Variants in LRRC9 observed in about 807,000 individuals in gnomAD.
The protein encoded by LRRC9 is leucine rich repeat containing 9, also known as leucine-rich repeat-containing protein 9.
LRRC9 carries 122 observed loss-of-function variants against 63.2 expected under a neutral mutation model. That is an observed-to-expected ratio of 1.93 (90% CI 1.67 to 2.24). LRRC9 has a LOEUF of 2.24. Among genes scored for constraint, LRRC9 ranks in the 30% most tolerant of loss-of-function variants. The probability of loss-of-function intolerance (pLI) is 0.00; values close to 1 mark genes in which losing one functional copy is unlikely to be tolerated. For missense variants in LRRC9, 1,071 were observed against 627.7 expected, an observed-to-expected ratio of 1.71 and a Z score of -7.55; for synonymous variants, 366 against 213.1, an observed-to-expected ratio of 1.72 and a Z score of -6.25.
At chr14:60,065,805 CTTG>C (rs1403418884), downstream of LRRC9, among the ~76,000 whole-genome samples, 1 of 150,620 alleles carries the variant, frequency 6.6e-6, no homozygotes, top group African/African-American at 2.4e-5. Context: ...GATTATATAA[CTTG>C]TTTTCATTAA....
At position 60,057,942 on chromosome 14, in the gene LRRC9, T is replaced by A. The variant is rs915981824; in HGVS notation, c.4196T>A (p.Ile1399Lys). The A allele has an allele frequency of 2.9e-5, 20 of 692,654 alleles. No individual in the cohort carries two copies. The African/African-American group carries it at 3.3e-4, about 12-fold the overall frequency. The allele number at this position is 692,654 out of a possible 1,614,324, so 42.9% of individuals were successfully genotyped here. The stretch of plus-strand genomic sequence containing the variant: ...TTTGGCCAAGTGAAAACTCCTCCCA[T>A]AGAGATAACAAATGTACTTCTGCCT... Residue 1399 changes from isoleucine (I) to lysine (K), a missense_variant, in exon 31 of 32, where the codon ATA (isoleucine) becomes AAA (lysine). Coordinates refer to ENST00000445360, the Ensembl canonical transcript of LRRC9.
In LRRC9 at chr14:60,017,095, G is replaced by C. The variant is rs1014118996; in HGVS notation, c.3317+305G>C. ...GACAGCATTTATGCCATGTTGCCAG[G>C]CTGGTCTCCAATCATGGGCTCAAGT... On this transcript the variant is annotated intron_variant, in intron 24 of 31. Transcript: ENST00000445360. The surrounding 1 kb of genome is among the most constrained non-coding windows in gnomAD (Gnocchi z 4.0). 6.6e-6 allele frequency among the ~76,000 whole-genome samples: 1 copy of C among 151,996 alleles called. No individual in the cohort carries two copies. The highest frequency in any genetic ancestry group is 2.4e-5 in the African/African-American group (1 of 41,416).
At chr14:60,009,710 C>A (rs1890102695) in intron 23 of LRRC9, among the ~76,000 whole-genome samples, 1 of 152,172 alleles carries the variant, frequency 6.6e-6, no homozygotes, top group South Asian at 2.1e-4. Context: ...CAAGTCAAGT[C>A]CCTTCTGCCT....
At chr14:59,931,109 A>G in intron 4 of LRRC9, 51 bp downstream of exon 4, 1 of 326,514 alleles carries the variant, frequency 3.1e-6, no homozygotes, top group Non-Finnish European at 5.6e-6. Context: ...ACTACTGTAG[A>G]GTTTAAACCA....
intron 29 of LRRC9, among the ~76,000 whole-genome samples, chr14:60,050,837 G>A (rs939229924): frequency 1.3e-5 from 2 of 152,204 alleles, no homozygotes; most frequent in African/African-American, 2.4e-5. Context: ...CCATAGGGCT[G>A]CTGCAGTTTG....
intron 30 of LRRC9, among the ~76,000 whole-genome samples, chr14:60,056,002 G>A (rs927015545): frequency 4.6e-5 from 7 of 151,802 alleles, no homozygotes; most frequent in Non-Finnish European, 1.0e-4. Flanking sequence ...GAGGCCATCC[G>A]CATTCTTTGG....
chr14:59,961,186 G>A, intron 10 of LRRC9, 141 bp downstream of exon 10: 1 of 488,208 alleles, frequency 2.0e-6, no homozygotes, highest in South Asian at 3.9e-5. Flanking sequence ...ATTGAAAATT[G>A]GCAGGCATCT....
At chr14:59,967,862 T>A (rs1343328872) in intron 12 of LRRC9, among the ~76,000 whole-genome samples, 1 of 152,228 alleles carries the variant, frequency 6.6e-6, no homozygotes, top group East Asian at 1.9e-4. Context: ...TCTCTGTTAA[T>A]CTGTTTCTTC....
chr14:59,946,851 G>T (rs1882481848), intron 8 of LRRC9, among the ~76,000 whole-genome samples: 1 of 133,896 alleles, frequency 7.5e-6, no homozygotes, highest in Non-Finnish European at 1.6e-5. Context: ...ATTTTTTATG[G>T]CTGCATAGTA....
chr14:60,043,311 G>T (rs565043457), intron 29 of LRRC9, among the ~76,000 whole-genome samples: 1 of 152,218 alleles, frequency 6.6e-6, no homozygotes, highest in East Asian at 1.9e-4. Context: ...AATTGCTCCA[G>T]ACATTACTTC....
Position 60,028,366 on chromosome 14 carries a change from C to G in LRRC9, c.3921+265C>G, listed in dbSNP as rs559946879. 1.4e-4 allele frequency among the ~76,000 whole-genome samples: 21 copies of G among 152,192 alleles called. 1 individual carries two copies. The highest frequency in any genetic ancestry group is 5.1e-4 in the African/African-American group (21 of 41,558). Reference sequence around the variant, plus strand: ...TTCTAAGGCTCTTCTCATCAGTCCTCTCTGAGAGTTCTCATTTGTTCCTTG... The same window carrying G: ...TTCTAAGGCTCTTCTCATCAGTCCTGTCTGAGAGTTCTCATTTGTTCCTTG... On this transcript the variant is annotated intron_variant, in intron 28 of 31. Coordinates refer to ENST00000445360, the Ensembl canonical transcript of LRRC9.
chr14:60,013,242 C>T (rs1410469689), intron 23 of LRRC9, among the ~76,000 whole-genome samples: 2 of 151,532 alleles, frequency 1.3e-5, no homozygotes, highest in Non-Finnish European at 2.9e-5. Context: ...ATATAGATAT[C>T]AAGGAATATT....
chr14:59,969,077 C>A (rs1009845576), intron 12 of LRRC9: 6 of 152,132 alleles, frequency 3.9e-5, no homozygotes. Flanking sequence ...AAAAAAAGAT[C>A]TCTTGGACCA....
At chr14:59,941,840 A>G (rs1881800372) in intron 7 of LRRC9, among the ~76,000 whole-genome samples, 1 of 152,180 alleles carries the variant, frequency 6.6e-6, no homozygotes, top group Non-Finnish European at 1.5e-5. Context: ...AGATTTTTGA[A>G]AATATACACA....
intron 12 of LRRC9, among the ~76,000 whole-genome samples, chr14:59,972,822 A>T (rs568325529): frequency 2.1e-4 from 32 of 152,266 alleles, no homozygotes; most frequent in Middle Eastern, 3.4e-3. Context: ...CCATTTTTTA[A>T]AAGTTCCATT....
chr14:59,993,842 A>G, intron 17 of LRRC9, among the ~76,000 whole-genome samples: 1 of 152,224 alleles, frequency 6.6e-6, no homozygotes, highest in African/African-American at 2.4e-5. Context: ...AAAGAGACTT[A>G]GACTCCCACA....
At chr14:59,992,738 C>T (rs219356) in intron 17 of LRRC9, among the ~76,000 whole-genome samples, 111,821 of 151,956 alleles carry the variant, frequency 0.74, 43,661 homozygotes, top group Non-Finnish European at 0.87. Context: ...TGAAATGAAG[C>T]GAGAAGAGAA....
At chr14:60,001,083 A>G (rs1434734807) in intron 19 of LRRC9, among the ~76,000 whole-genome samples, 1 of 152,146 alleles carries the variant, frequency 6.6e-6, no homozygotes, top group African/African-American at 2.4e-5. Context: ...AAAGTCTGAC[A>G]ATACCAAGTT....
intron 12 of LRRC9, among the ~76,000 whole-genome samples, chr14:59,970,367 G>T (rs1019986610): frequency 2.6e-5 from 4 of 152,066 alleles, no homozygotes; most frequent in Non-Finnish European, 1.5e-5. Context: ...TGTCTTTGCT[G>T]TTGTGAATAG....
Sources: gnomAD v4.1 joint callset for allele counts (sites outside exome capture counted in the v4.1 genomes callset) on GRCh38, gnomAD v4.1.1 for gene constraint, Gnocchi (gnomAD v3.1) non-coding constraint, MANE v1.5 for transcripts, NCBI Gene and HGNC (gene_info 2026-07-23, HGNC 2026-07-21) for gene names.